PLEKHG1: variants seen among roughly 807,000 people sequenced by gnomAD.
PLEKHG1 encodes the protein pleckstrin homology domain-containing family G member 1.
A neutral mutation model predicts 100.8 loss-of-function variants in PLEKHG1; 44 were observed. The ratio of observed to expected loss-of-function variants is 0.44; its 90% CI spans 0.34 to 0.56. The LOEUF is 0.56. Ranked by LOEUF, PLEKHG1 falls within the 20% of genes least tolerant of loss-of-function variation. The pLI, the probability that PLEKHG1 is intolerant of heterozygous loss-of-function variation, is 0.01. For synonymous variants in PLEKHG1, 640 were observed against 662.5 expected (o/e 0.97, Z 0.52); for missense variants, 1,545 against 1,720.9 (o/e 0.90, Z 1.81).
chr6:150,706,419 G>T (rs969408714), intron 3 of PLEKHG1, among the ~76,000 whole-genome samples: 2 of 149,392 alleles, frequency 1.3e-5, no homozygotes, highest in Admixed American at 6.9e-5. Context: ...TTTGAGACCA[G>T]CTGGGCAACA....
intron 2 of PLEKHG1, among the ~76,000 whole-genome samples, chr6:150,759,622 A>T (rs916446997): frequency 1.3e-5 from 2 of 152,096 alleles, no homozygotes; most frequent in African/African-American, 4.8e-5. Context: ...GATGAGTGGG[A>T]CCCGTCTCCT....
chr6:150,611,279 G>A (rs1386697124), intron 1 of PLEKHG1, among the ~76,000 whole-genome samples: 1 of 152,184 alleles, frequency 6.6e-6, no homozygotes, highest in Admixed American at 6.5e-5. Context: ...GAAAAAACAA[G>A]TCTGAGAAGT....
chr6:150,822,168 A>AG (rs1776341675), intron 13 of PLEKHG1, among the ~76,000 whole-genome samples: 2 of 150,620 alleles, frequency 1.3e-5, no homozygotes, highest in Non-Finnish European at 3.0e-5. Flanking sequence ...AAAAAAAAAA[A>AG]AAAAAAAAAA....
At chr6:150,667,583 C>T (rs1484231472) in intron 3 of PLEKHG1, among the ~76,000 whole-genome samples, 1 of 152,198 alleles carries the variant, frequency 6.6e-6, no homozygotes, top group Admixed American at 6.5e-5. Context: ...TTATTTATAG[C>T]AGTCTACTTT....
At chr6:150,605,921 T>C (rs1776581701) in intron 1 of PLEKHG1, 1 of 152,224 alleles carries the variant, frequency 6.6e-6, no homozygotes, top group South Asian at 2.1e-4. Context: ...GTATTTGTGC[T>C]CAATAAATAC....
rs966386501 is a variant in PLEKHG1, at chr6:150,612,049, C to CT, written c.-204+12032_-204+12033insT. 8.4e-4 allele frequency among the ~76,000 whole-genome samples: 75 copies of CT among 89,034 alleles called. 2 individuals are homozygous for CT. Among genetic ancestry groups the CT allele is most frequent in the African/African-American group, 2.6e-3 (70 of 26,692 alleles). The allele number at this position is 89,034 out of a possible 152,430, so 58.4% of individuals were successfully genotyped here. On this transcript the variant is annotated intron_variant, in intron 1 of 3. Coordinates refer to the PLEKHG1 transcript ENST00000367326. ...CTTTCAGCTTCCTGGTGTTGTTCCC[C>CT]CCCCCCCCCCCTTTTCTAGTTCTTA...
At chr6:150,716,642 C>T (rs979934238), upstream of PLEKHG1, among the ~76,000 whole-genome samples, 5 of 152,156 alleles carry the variant, frequency 3.3e-5, no homozygotes, top group African/African-American at 1.2e-4. Context: ...CTGCCCTCAT[C>T]CCCACCCCAG....
intron 1 of PLEKHG1, among the ~76,000 whole-genome samples, chr6:150,606,469 G>A (rs1276146477): frequency 1.3e-5 from 2 of 152,144 alleles, no homozygotes; most frequent in African/African-American, 4.8e-5. Flanking sequence ...CCCCTTCCCA[G>A]CTCTGGCAAG....
chr6:150,603,072 T>G (rs1776423778), intron 1 of PLEKHG1, among the ~76,000 whole-genome samples: 1 of 77,922 alleles, frequency 1.3e-5, no homozygotes, highest in African/African-American at 4.6e-5. Context: ...ACAGCGAGAC[T>G]CCGTCTCAAA....
rs1307510859 is a variant in PLEKHG1 at position 150,838,224 on chromosome 6, G to T, written c.3095-1609G>T. On this transcript the variant is annotated intron_variant, in intron 15 of 15. Coordinates refer to ENST00000358517, the Ensembl canonical transcript of PLEKHG1. ...AAGAAAACAGTGTTACCTGCTGGTT[G>T]TCATATATAGGATACATTTCCTTCA... Among the ~76,000 whole-genome samples the T allele has an allele frequency of 4.6e-5, 7 of 152,176 alleles. 1 individual carries two copies. The highest frequency in any genetic ancestry group is 4.1e-4 in the South Asian group (2 of 4,832).
chr6:150,714,084 A>G (rs1415131903), intron 3 of PLEKHG1, among the ~76,000 whole-genome samples: 3 of 152,162 alleles, frequency 2.0e-5, no homozygotes, highest in Non-Finnish European at 4.4e-5. Flanking sequence ...TTTACTTATG[A>G]ATGGATTAGA....
At chr6:150,761,644 C>T (rs1784168360) in intron 2 of PLEKHG1, among the ~76,000 whole-genome samples, 1 of 152,054 alleles carries the variant, frequency 6.6e-6, no homozygotes, top group Admixed American at 6.6e-5. Flanking sequence ...AAAAGATGGG[C>T]GTCCTGTTGC....
In PLEKHG1 at chr6:150,831,356, G is replaced by A. The variant is rs755464158; in HGVS notation, c.2245G>A (p.Asp749Asn). 89 of 1,614,136 alleles carry A rather than the reference G, an allele frequency of 5.5e-5. 2 individuals carry two copies. In the South Asian group the frequency reaches 9.1e-4, roughly 17 times the overall value. Residue 749 changes from aspartate to asparagine, a missense_variant, in exon 15 of 16, where the codon GAT becomes AAT. Coordinates refer to ENST00000358517, the Ensembl canonical transcript of PLEKHG1. This position sits in a 1 kb window ranked among gnomAD's most constrained non-coding sequence, Gnocchi z 4.1. ...CATCTATGACACCATAGGGCTCCCA[G>A]ATCCTCCGTCGCTGGGTTTTAAGTG...
chr6:150,754,541 G>A (rs1041842037), intron 2 of PLEKHG1, among the ~76,000 whole-genome samples: 1 of 152,130 alleles, frequency 6.6e-6, no homozygotes, highest in African/African-American at 2.4e-5. Context: ...AGGCAGCGAT[G>A]AGAGAGAGGA....
In PLEKHG1 at chr6:150,831,003, T is replaced by C; in HGVS notation, c.1892T>C (p.Leu631Pro). The change falls in exon 15 of 16, where the codon CTG (leucine) becomes CCG (proline). Residue 631 changes from leucine to proline, a missense_variant. Transcript: ENST00000358517. This position sits in a 1 kb window ranked among gnomAD's most constrained non-coding sequence, Gnocchi z 4.1. ...GGAACTAGTGACAGAACTAGGGAAC[T>C]GCAGAACAGCCCCAAAACAGAAGGG... The C allele has an allele frequency of 6.2e-7, 1 of 1,614,070 alleles. No homozygotes were observed.
chr6:150,800,597 C>G (rs1723199759), intron 5 of PLEKHG1, 122 bp from the exon 7 acceptor site: 3 of 888,502 alleles, frequency 3.4e-6, no homozygotes, highest in African/African-American at 1.7e-5. Flanking sequence ...GCATGCTGAT[C>G]TGACCACAGC....
intron 13 of PLEKHG1, among the ~76,000 whole-genome samples, chr6:150,822,149 T>C (rs1310363173): frequency 8.4e-5 from 1 of 11,908 alleles, no homozygotes; most frequent in Middle Eastern, 0.042. Context: ...CCCAAAGGAC[T>C]CAAAAAAAAA....
intron 2 of PLEKHG1, among the ~76,000 whole-genome samples, chr6:150,735,097 CT>C (rs1370355002): frequency 6.6e-6 from 1 of 151,026 alleles, no homozygotes; most frequent in Non-Finnish European, 1.5e-5. Context: ...AGCAATTCTC[CT>C]GCCTCAGCAT....
In PLEKHG1 at chr6:150,810,331, G is replaced by A. The variant is rs115229617; in HGVS notation, c.1278+597G>A. ...GTCACCCAGGCTGGAGTGCAGTGGCGCAATCTCCACACAAGAAAAAGCAAA... is the reference window on the plus strand; with the variant it reads ...GTCACCCAGGCTGGAGTGCAGTGGCACAATCTCCACACAAGAAAAAGCAAA... On this transcript the variant is annotated intron_variant, in intron 10 of 15. Transcript: ENST00000358517. Among the ~76,000 whole-genome samples the A allele has an allele frequency of 4.7e-3, 697 of 149,122 alleles. 4 individuals carry two copies. The highest frequency in any genetic ancestry group is 0.016 in the African/African-American group (667 of 40,800).
Sources: gnomAD v4.1 joint callset for allele counts (sites outside exome capture counted in the v4.1 genomes callset) on GRCh38, gnomAD v4.1.1 for gene constraint, Gnocchi (gnomAD v3.1) non-coding constraint, MANE v1.5 for transcripts, NCBI Gene and HGNC (gene_info 2026-07-23, HGNC 2026-07-21) for gene names.